The following RNF145 variants were observed in gnomAD, a reference collection of about 807,000 sequenced individuals.
RNF145 encodes ring finger protein 145.
A neutral mutation model predicts 57.3 loss-of-function variants in RNF145; 12 were observed. The ratio of observed to expected loss-of-function variants is 0.21; its 90% CI spans 0.13 to 0.34. The LOEUF is 0.34. Ranked by LOEUF, RNF145 falls within the 10% of genes least tolerant of loss-of-function variation. The pLI is 1.00. For missense variants in RNF145, 429 were observed against 799.0 expected, an observed-to-expected ratio of 0.54 and a Z score of 5.58; for synonymous variants, 262 against 288.3, an observed-to-expected ratio of 0.91 and a Z score of 0.92.
In RNF145 at chr5:159,164,612, A is replaced by G. The variant is rs138026808; in HGVS notation, c.1122-1533T>C. ...ATATATGTCCTTATCTAAATAGTTA[A>G]AATTAAATAAAAGCAAATTTCAAAT... is the stretch of plus-strand genomic sequence containing the variant. On this transcript the variant is annotated intron_variant, in intron 8 of 10. Coordinates refer to ENST00000424310, the MANE Select transcript of RNF145 (RefSeq NM_001199383.2). 5.1e-3 allele frequency among the ~76,000 whole-genome samples: 783 copies of G among 152,326 alleles called. 4 individuals carry two copies. Among genetic ancestry groups the G allele is most frequent in the African/African-American group, 0.018 (738 of 41,580 alleles).
intron 2 of RNF145, among the ~76,000 whole-genome samples, 192 bp downstream of exon 2, chr5:159,203,242 T>C (rs1785734273): frequency 6.6e-6 from 1 of 152,182 alleles, no homozygotes; most frequent in South Asian, 2.1e-4. Context: ...CAATACTGCT[T>C]ACTTTCTTGT....
rs1554148160 is a variant in RNF145, at chr5:159,209,498, C to CTGGCGT, written c.-308_-307insACGCCA. 14 of 339,926 alleles carry CTGGCGT rather than the reference C, an allele frequency of 4.1e-5. No homozygotes were observed. In the Admixed American group the frequency reaches 4.3e-3, roughly 105 times the overall value. The allele number at this position is 339,926 out of a possible 1,614,324, so 21.1% of individuals were successfully genotyped here. On this transcript the variant is annotated 5_prime_UTR_variant, in exon 1 of 11. Coordinates refer to ENST00000424310, the MANE Select transcript of RNF145 (RefSeq NM_001199383.2). ...GGGCCGAGCCCCTTAGCAGCCGGCG[C>CTGGCGT]CGGCGTCGGCGGCCATGGCCTCCTG... is the stretch of plus-strand genomic sequence containing the variant.
chr5:159,194,908 T>C (rs1785403633), intron 2 of RNF145, 84 bp from the exon 3 acceptor site: 1 of 997,400 alleles, frequency 1.0e-6, no homozygotes, highest in Non-Finnish European at 1.5e-6. Context: ...AGACAAATAA[T>C]TTTCCAAATA....
At chr5:159,164,367 G>T (rs147080430) in intron 8 of RNF145, among the ~76,000 whole-genome samples, 242 of 152,220 alleles carry the variant, frequency 1.6e-3, no homozygotes, top group African/African-American at 5.4e-3. Flanking sequence ...ATGAATTATA[G>T]ATCTAATAGG....
chr5:159,196,016 C>T (rs1785447795), intron 2 of RNF145, among the ~76,000 whole-genome samples: 1 of 152,074 alleles, frequency 6.6e-6, no homozygotes, highest in South Asian at 2.1e-4. Context: ...TGATAAATTC[C>T]TCTCATGTGT....
chr5:159,192,799 T>C (rs1785330805), intron 3 of RNF145, among the ~76,000 whole-genome samples: 1 of 152,222 alleles, frequency 6.6e-6, no homozygotes, highest in African/African-American at 2.4e-5. Flanking sequence ...AACCTGGAAT[T>C]TGAACCTATC....
intron 3 of RNF145, among the ~76,000 whole-genome samples, chr5:159,192,218 A>C (rs936524411): frequency 6.6e-6 from 1 of 152,232 alleles, no homozygotes; most frequent in Non-Finnish European, 1.5e-5. Flanking sequence ...CAAAAGTTGC[A>C]TGCAAATACT....
At chr5:159,186,206 C>CA (rs1785049787) in intron 3 of RNF145, among the ~76,000 whole-genome samples, 1 of 151,534 alleles carries the variant, frequency 6.6e-6, no homozygotes, top group Non-Finnish European at 1.5e-5. Flanking sequence ...CAGCCTGGGT[C>CA]AGAGTGAGAC....
chr5:159,180,078 T>C (rs955485340), intron 4 of RNF145, among the ~76,000 whole-genome samples: 10 of 152,082 alleles, frequency 6.6e-5, no homozygotes, highest in Admixed American at 6.6e-4. Flanking sequence ...CTCTCTGACT[T>C]ACCAAGGATT....
intron 3 of RNF145, among the ~76,000 whole-genome samples, chr5:159,188,869 A>T (rs1785181091): frequency 6.6e-6 from 1 of 152,178 alleles, no homozygotes; most frequent in Admixed American, 6.5e-5. Context: ...AAAGTTCATG[A>T]AATTTTCAAC....
At chr5:159,195,331 G>GA (rs1039504043) in intron 2 of RNF145, among the ~76,000 whole-genome samples, 447 of 147,766 alleles carry the variant, frequency 3.0e-3, no homozygotes, top group African/African-American at 0.01. Flanking sequence ...CCCATCTTGA[G>GA]AAAAAAAAAA....
chr5:159,162,821 C>G, intron 9 of RNF145, 111 bp downstream of exon 9: 1 of 751,154 alleles, frequency 1.3e-6, no homozygotes, highest in South Asian at 2.1e-5. Flanking sequence ...GAGAAGTTAT[C>G]ACCTGAATAG....
chr5:159,207,441 C>T (rs2113259574), intron 1 of RNF145: 2 of 1,323,352 alleles, frequency 1.5e-6, no homozygotes, highest in Admixed American at 2.0e-5. Context: ...CTACACCTTC[C>T]CCCTAAAAAA....
rs188232563 is a variant in RNF145, at chr5:159,177,351, G to C, written c.386-484C>G. On this transcript the variant is annotated intron_variant, in intron 4 of 10. Coordinates refer to ENST00000424310, the MANE Select transcript of RNF145 (RefSeq NM_001199383.2). The stretch of plus-strand genomic sequence containing the variant: ...TTAATCTTTATTTTTGGAGGGCCAA[G>C]TAAACTGCCCCAAATAACTAAATCA... Among the ~76,000 whole-genome samples the C allele has an allele frequency of 2.1e-4, 32 of 152,140 alleles. No individual in the cohort carries two copies. The East Asian group carries it at 5.4e-3, about 26-fold the overall frequency.
At chr5:159,176,320 G>A (rs1420121998) in intron 5 of RNF145, among the ~76,000 whole-genome samples, 1 of 152,098 alleles carries the variant, frequency 6.6e-6, no homozygotes. Flanking sequence ...GGAAAGCACA[G>A]CTTTCATTAT....
At chr5:159,190,855 ACT>A (rs776808412) in intron 3 of RNF145, among the ~76,000 whole-genome samples, 70 of 152,268 alleles carry the variant, frequency 4.6e-4, no homozygotes, top group Admixed American at 9.2e-4. Context: ...GCACATCTTT[ACT>A]AGCCTTTTGT....
chr5:159,185,836 G>T (rs1332956764), intron 3 of RNF145, among the ~76,000 whole-genome samples: 2 of 152,090 alleles, frequency 1.3e-5, no homozygotes, highest in Non-Finnish European at 2.9e-5. Flanking sequence ...ATCACCCCAA[G>T]GCACTAATAA....
intron 6 of RNF145, among the ~76,000 whole-genome samples, chr5:159,172,435 T>G (rs1027547742): frequency 2.6e-5 from 4 of 151,884 alleles, no homozygotes; most frequent in Non-Finnish European, 5.9e-5. Flanking sequence ...GAGCCGAGAT[T>G]GTGCCACTGT....
At chr5:159,208,463 G>C (rs1785979853) in intron 1 of RNF145, among the ~76,000 whole-genome samples, 1 of 152,170 alleles carries the variant, frequency 6.6e-6, no homozygotes, top group South Asian at 2.1e-4. Flanking sequence ...AGCAGTATTG[G>C]AGGGAGAAGA....
Sources: allele counts gnomAD v4.1 joint callset (sites outside exome capture counted in the v4.1 genomes callset), GRCh38; gene constraint gnomAD v4.1.1; transcripts MANE v1.5; gene names NCBI Gene and HGNC (gene_info 2026-07-23, HGNC 2026-07-21).